The following DLGAP5 variants were observed in gnomAD, a reference collection of about 807,000 sequenced individuals.
DLGAP5 encodes the protein DLG associated protein 5, also known as disks large-associated protein 5.
DLGAP5 carries 90 observed loss-of-function variants against 99.6 expected under a neutral mutation model. The ratio of observed to expected loss-of-function variants is 0.90; its 90% CI spans 0.76 to 1.08. The LOEUF is 1.08. Among genes scored for constraint, DLGAP5 ranks in the 50% least tolerant of loss-of-function variants. The pLI is 0.00. For synonymous variants in DLGAP5, 311 were observed against 321.3 expected (o/e 0.97, Z 0.34); for missense variants, 1,036 against 983.5 (o/e 1.05, Z -0.71).
At chr14:55,190,289 T>TATACACAC (rs1555330252) in intron 1 of DLGAP5, among the ~76,000 whole-genome samples, 332 of 147,410 alleles carry the variant, frequency 2.3e-3, no homozygotes, top group African/African-American at 8.0e-3. Flanking sequence ...AGAAAAGCCA[T>TATACACAC]ACACACACAC....
chr14:55,148,546 T>C (rs778146924), intron 18 of DLGAP5, 73 bp from the exon 19 acceptor site: 9 of 1,610,204 alleles, frequency 5.6e-6, no homozygotes, highest in South Asian at 2.2e-5. Context: ...CAACATTCTA[T>C]AGTGGATTAA....
intron 12 of DLGAP5, among the ~76,000 whole-genome samples, chr14:55,166,020 A>T (rs1306382577): frequency 6.6e-6 from 1 of 152,240 alleles, no homozygotes; most frequent in Non-Finnish European, 1.5e-5. Flanking sequence ...TTAAACATAA[A>T]TTTACAATAT....
At chr14:55,172,551 G>C (rs980360780) in intron 10 of DLGAP5, among the ~76,000 whole-genome samples, 1 of 151,784 alleles carries the variant, frequency 6.6e-6, no homozygotes, top group East Asian at 1.9e-4. Context: ...GGGAGGTCGG[G>C]AAGTCAAGGC....
intron 16 of DLGAP5, 136 bp from the exon 17 acceptor site, chr14:55,152,077 C>T (rs972381196): frequency 5.1e-6 from 4 of 788,472 alleles, no homozygotes; most frequent in East Asian, 2.7e-5. Flanking sequence ...ATTATAAATC[C>T]TACTATCCTG....
At position 55,150,863 on chromosome 14, in the gene DLGAP5, A is replaced by T; in HGVS notation, c.2369-15T>A. ...ATCAAATAGTTCTGAAAAACAACAA[A>T]AAAAAACTTTTTAAAGAATATTCTC... On this transcript the variant is annotated splice_polypyrimidine_tract_variant and intron_variant, in intron 17 of 18. Coordinates refer to ENST00000247191, the MANE Select transcript of DLGAP5 (RefSeq NM_014750.5). 1 of 1,551,696 alleles carries T rather than the reference A, an allele frequency of 6.4e-7. No homozygotes were observed.
chr14:55,177,537 G>T (rs79256357), intron 7 of DLGAP5, among the ~76,000 whole-genome samples: 1,758 of 149,898 alleles, frequency 0.012, 24 homozygotes, highest in East Asian at 0.057. Context: ...CCCGGGAATA[G>T]AATCTTTTTT....
chr14:55,190,289 T>TATACACACACACACACACAC (rs1555330252), intron 1 of DLGAP5, among the ~76,000 whole-genome samples: 23 of 147,416 alleles, frequency 1.6e-4, no homozygotes, highest in African/African-American at 5.7e-4. Context: ...AGAAAAGCCA[T>TATACACACACACACACACAC]ACACACACAC....
At chr14:55,186,767 T>C (rs536219533) in intron 2 of DLGAP5, among the ~76,000 whole-genome samples, 16 of 152,250 alleles carry the variant, frequency 1.1e-4, no homozygotes, top group South Asian at 2.1e-4. Flanking sequence ...ACCTCTATTA[T>C]ACTTGATCTA....
chr14:55,151,592 T>C (rs1882020512), intron 17 of DLGAP5, 103 bp downstream of exon 17: 1 of 1,211,518 alleles, frequency 8.3e-7, no homozygotes, highest in Admixed American at 2.7e-5. Context: ...GGATCCTCAA[T>C]AGTTAGATCT....
intron 12 of DLGAP5, among the ~76,000 whole-genome samples, chr14:55,163,454 G>T (rs1594669039): frequency 6.6e-6 from 1 of 152,016 alleles, no homozygotes; most frequent in African/African-American, 2.4e-5. Context: ...TTGCTTCCAT[G>T]TTTTGGCAAT....
Position 55,182,497 on chromosome 14 carries a change from A to AT in DLGAP5, c.433-66dup, listed in dbSNP as rs1883312493. On this transcript the variant is annotated intron_variant, in intron 3 of 18. Transcript: ENST00000247191. ...TGGTAAAGGTTTACTTCCATATCTT[A>AT]TTACAAAATAAAGTTCCCATTTTAA... is the stretch of plus-strand genomic sequence containing the variant. 8 of 1,373,530 alleles carry AT rather than the reference A, an allele frequency of 5.8e-6. No individual in the cohort carries two copies. The East Asian group carries it at 1.9e-4, about 32-fold the overall frequency. The allele number at this position is 1,373,530 out of a possible 1,614,324, so 85.1% of individuals were successfully genotyped here. A position where few individuals can be genotyped will look rare whatever the true frequency, so the allele number is the denominator to read the frequency against.
In DLGAP5 at chr14:55,189,062, C is replaced by T. The variant is rs1883522386; in HGVS notation, c.118G>A (p.Glu40Lys). The change falls in exon 2 of 19, where the codon GAA (glutamate) becomes AAA (lysine). Residue 40 changes from glutamate to lysine, a missense_variant. Glu to Lys is a moderately conservative substitution (Grantham distance 56, BLOSUM62 1). Transcript: ENST00000247191. ...SQKENRHKEY[E>K]RNRHFGLKDV... ...TTCAAACCAAAGTGTCTATTTCGTT[C>T]GTATTCCTTATGTCTATTTTCTTTC... 7.4e-6 allele frequency: 12 copies of T among 1,613,852 alleles called. No homozygotes were observed. The highest frequency in any genetic ancestry group is 4.5e-5 in the East Asian group (2 of 44,808).
At chr14:55,158,182 C>A (rs1417367792) in intron 14 of DLGAP5, among the ~76,000 whole-genome samples, 1 of 152,210 alleles carries the variant, frequency 6.6e-6, no homozygotes, top group East Asian at 1.9e-4. Context: ...TTTACTTCTT[C>A]ATGCTTCCGT....
At chr14:55,163,963 G>A (rs547646413) in intron 12 of DLGAP5, among the ~76,000 whole-genome samples, 11 of 151,992 alleles carry the variant, frequency 7.2e-5, no homozygotes, top group South Asian at 2.1e-4. Flanking sequence ...ATATTTCTCC[G>A]AATCTGTGCC....
Position 55,148,217 on chromosome 14 carries a change from T to A in DLGAP5, c.*134A>T, listed in dbSNP as rs1308294438. 1 of 909,864 alleles carries A rather than the reference T, an allele frequency of 1.1e-6. No individual in the cohort carries two copies. Among genetic ancestry groups the A allele is most frequent in the Non-Finnish European group, 1.6e-6 (1 of 618,288 alleles). 56.4% of individuals were successfully genotyped at this position (909,864 alleles called of 1,614,324 possible). A position where few individuals can be genotyped will look rare whatever the true frequency, so the allele number is the denominator to read the frequency against. On this transcript the variant is annotated 3_prime_UTR_variant, in exon 19 of 19. Transcript: ENST00000247191. The stretch of plus-strand genomic sequence containing the variant: ...GAAAGAGTATATCTAAAATACACTT[T>A]GATGAACACAGAATATTAAAACATT...
At chr14:55,178,976 A>G (rs890301532) in intron 7 of DLGAP5, among the ~76,000 whole-genome samples, 11 of 152,006 alleles carry the variant, frequency 7.2e-5, no homozygotes, top group Non-Finnish European at 1.5e-4. Context: ...GAACCCGGGG[A>G]GCGGAAGGTG....
intron 1 of DLGAP5, among the ~76,000 whole-genome samples, chr14:55,190,717 A>T (rs1883584893): frequency 6.6e-6 from 1 of 152,176 alleles, no homozygotes. Context: ...AAAAAACGAG[A>T]ATCTGTCTGA....
At chr14:55,148,673 G>GC in intron 18 of DLGAP5, 200 bp from the exon 19 acceptor site, 1 of 1,027,330 alleles carries the variant, frequency 9.7e-7, no homozygotes, top group Non-Finnish European at 1.4e-6. Context: ...GAGCAACATA[G>GC]CAAGATCCCA....
At chr14:55,172,161 C>T (rs997629686) in intron 10 of DLGAP5, among the ~76,000 whole-genome samples, 2 of 148,056 alleles carry the variant, frequency 1.4e-5, no homozygotes, top group African/African-American at 5.2e-5. Context: ...CCACCGAACC[C>T]GGCAGGTTTT....
Sources: allele counts gnomAD v4.1 joint callset (sites outside exome capture counted in the v4.1 genomes callset), GRCh38; gene constraint gnomAD v4.1.1; transcripts MANE v1.5; gene names NCBI Gene and HGNC (gene_info 2026-07-23, HGNC 2026-07-21).